Variants in ZNF438 observed in about 807,000 individuals in gnomAD.
The protein encoded by ZNF438 is zinc finger protein 438.
In ZNF438, 25 loss-of-function variants were observed where a neutral mutation model predicts 38.0. That is an observed-to-expected ratio of 0.66 (90% CI 0.48 to 0.92). The LOEUF (loss-of-function observed/expected upper bound fraction) is 0.92, where lower values mean the gene tolerates loss of function less well. Among genes scored for constraint, ZNF438 ranks in the 40% least tolerant of loss-of-function variants. ZNF438 has a pLI of 0.00. For synonymous variants in ZNF438, 372 were observed against 364.1 expected (o/e 1.02, Z -0.25); for missense variants, 1,007 against 999.6 (o/e 1.01, Z -0.10).
At chr10:30,991,353 C>A (rs534989590) in intron 1 of ZNF438, among the ~76,000 whole-genome samples, 1 of 152,320 alleles carries the variant, frequency 6.6e-6, no homozygotes, top group Admixed American at 6.5e-5. Context: ...AGCCAGCCCT[C>A]ATTTGTGGGG....
At chr10:30,971,220 A>C (rs1334928390) in intron 1 of ZNF438, among the ~76,000 whole-genome samples, 1 of 152,230 alleles carries the variant, frequency 6.6e-6, no homozygotes, top group Non-Finnish European at 1.5e-5. Flanking sequence ...GATGAGGCTA[A>C]ATTATATGAA....
intron 1 of ZNF438, among the ~76,000 whole-genome samples, chr10:30,946,456 G>C (rs2135635937): frequency 6.6e-6 from 1 of 152,122 alleles, no homozygotes; most frequent in Non-Finnish European, 1.5e-5. Context: ...CTGACAAAGG[G>C]CTAATATCCA....
chr10:30,968,947 G>C (rs543953243), intron 1 of ZNF438, among the ~76,000 whole-genome samples: 14 of 152,238 alleles, frequency 9.2e-5, no homozygotes, highest in African/African-American at 3.4e-4. Context: ...GTGAGTATGA[G>C]AGCTATTAAC....
chr10:30,985,046 C>A (rs1564795887), intron 1 of ZNF438, among the ~76,000 whole-genome samples: 1 of 152,138 alleles, frequency 6.6e-6, no homozygotes, highest in Non-Finnish European at 1.5e-5. Flanking sequence ...GATGCATGTG[C>A]AATGAAGCCA....
intron 1 of ZNF438, among the ~76,000 whole-genome samples, chr10:30,950,365 A>G (rs574540561): frequency 0.046 from 6,774 of 148,800 alleles, 438 homozygotes; most frequent in African/African-American, 0.16. Flanking sequence ...AAACACATTC[A>G]AAAGCTAGCA....
Position 30,845,380 on chromosome 10 carries a change from G to C in ZNF438, c.2068C>G (p.Gln690Glu). 1.9e-6 allele frequency: 3 copies of C among 1,614,102 alleles called. No homozygotes were observed. The Middle Eastern group carries it at 4.9e-4, about 266-fold the overall frequency. Reference sequence around the variant, plus strand: ...CTAGCGTGCTGCACCAACTCTTCCTGAGTCCCCTTGCTTCCTGGGAAGGTC... The same window carrying C: ...CTAGCGTGCTGCACCAACTCTTCCTCAGTCCCCTTGCTTCCTGGGAAGGTC... The change falls in exon 6 of 6, where the codon CAG becomes GAG. Residue 690 changes from glutamine to glutamate, a missense_variant. Gln to Glu is a conservative substitution (Grantham distance 29). Coordinates refer to ENST00000413025, the Ensembl canonical transcript of ZNF438.
At position 30,975,312 on chromosome 10, in the gene ZNF438, AGAG is replaced by A. The variant is rs2051214773; in HGVS notation, c.-191-33664_-191-33662del. Among the ~76,000 whole-genome samples the A allele has an allele frequency of 2.6e-5, 4 of 152,174 alleles. No individual in the cohort carries two copies. The South Asian group carries it at 8.3e-4, about 31-fold the overall frequency. On this transcript the variant is annotated intron_variant, in intron 1 of 5. Coordinates refer to ENST00000413025, the Ensembl canonical transcript of ZNF438. Reference sequence around the variant, plus strand: ...AGAGAATGAAGTTGGTGCCCATTTGAGAGGAGGTCAGATGACTAGGCACATTCA... The same window carrying A: ...AGAGAATGAAGTTGGTGCCCATTTGAGAGGTCAGATGACTAGGCACATTCA...
intron 1 of ZNF438, among the ~76,000 whole-genome samples, chr10:30,944,485 G>C (rs12572926): frequency 0.043 from 6,570 of 152,246 alleles, 410 homozygotes; most frequent in East Asian, 0.31. Flanking sequence ...ATAGAAAGTA[G>C]TATGAAGAAA....
intron 1 of ZNF438, among the ~76,000 whole-genome samples, chr10:30,952,429 A>C (rs1290746545): frequency 2.6e-5 from 4 of 152,208 alleles, no homozygotes; most frequent in East Asian, 1.9e-4. Context: ...AGAGCTTCTG[A>C]ACAGCAAGAG....
At chr10:30,872,291 T>A (rs4749633) in intron 4 of ZNF438, among the ~76,000 whole-genome samples, 67,954 of 151,116 alleles carry the variant, frequency 0.45, 15,785 homozygotes, top group African/African-American at 0.56. Context: ...CCACGTGTGG[T>A]GGTGCGCTCC....
At chr10:30,845,898 G>A (rs757879311) in intron 5 of ZNF438, among the ~76,000 whole-genome samples, 5 of 152,150 alleles carry the variant, frequency 3.3e-5, no homozygotes, top group Admixed American at 6.5e-5. Flanking sequence ...ACGTAAGAGC[G>A]CGTGAAGGGC....
chr10:30,953,183 A>G (rs1164194907), intron 1 of ZNF438, among the ~76,000 whole-genome samples: 1 of 146,654 alleles, frequency 6.8e-6, no homozygotes, highest in Non-Finnish European at 1.5e-5. Context: ...ATTCTCACTC[A>G]TAGGTGGGAA....
At chr10:30,861,491 C>T (rs1044806435) in intron 4 of ZNF438, among the ~76,000 whole-genome samples, 5 of 151,888 alleles carry the variant, frequency 3.3e-5, no homozygotes, top group African/African-American at 9.7e-5. Context: ...AGCCAATTAC[C>T]TAGAATACTA....
chr10:30,945,581 T>C (rs1275902961), intron 1 of ZNF438, among the ~76,000 whole-genome samples: 1 of 147,378 alleles, frequency 6.8e-6, no homozygotes, highest in Admixed American at 6.8e-5. Context: ...GTCCCCAGAG[T>C]GTGATATTCC....
At position 30,992,416 on chromosome 10, in the gene ZNF438, C is replaced by CTTT. The variant is rs60965540; in HGVS notation, c.-192+39414_-192+39416dup. 2.5e-3 allele frequency among the ~76,000 whole-genome samples: 355 copies of CTTT among 141,696 alleles called. 2 individuals carry two copies. Among genetic ancestry groups the CTTT allele is most frequent in the African/African-American group, 8.5e-3 (328 of 38,468 alleles). The allele number at this position is 141,696 out of a possible 152,430, so 93.0% of individuals were successfully genotyped here. A position where few individuals can be genotyped will look rare whatever the true frequency, so the allele number is the denominator to read the frequency against. ...GATGACTAGAGAAACTCTGAATCTT[C>CTTT]TTTTTTTTTTTTTTTTAAGACAGTC... is the stretch of plus-strand genomic sequence containing the variant. On this transcript the variant is annotated intron_variant, in intron 1 of 5. Transcript: ENST00000413025.
chr10:30,973,619 CA>C (rs1194561219), intron 1 of ZNF438, among the ~76,000 whole-genome samples: 4 of 152,124 alleles, frequency 2.6e-5, no homozygotes, highest in African/African-American at 9.7e-5. Context: ...AACTCTCTCC[CA>C]CCCCCGGAAG....
intron 2 of ZNF438, among the ~76,000 whole-genome samples, chr10:30,930,742 G>C (rs1004317060): frequency 7.1e-6 from 1 of 140,892 alleles, no homozygotes; most frequent in African/African-American, 2.7e-5. Context: ...AGGAGGCAGA[G>C]GTCGTAGTAA....
chr10:31,027,378 G>A (rs1424237352), intron 1 of ZNF438, among the ~76,000 whole-genome samples: 2 of 151,856 alleles, frequency 1.3e-5, no homozygotes, highest in South Asian at 2.1e-4. Context: ...AAATTTGCTT[G>A]TGCAAATGTA....
chr10:31,009,921 T>C (rs2055511630), intron 1 of ZNF438, among the ~76,000 whole-genome samples: 2 of 148,686 alleles, frequency 1.3e-5, no homozygotes, highest in East Asian at 2.0e-4. Context: ...CAATCTCGGC[T>C]CACTGCAACC....
Sources: gnomAD v4.1 joint callset for allele counts (sites outside exome capture counted in the v4.1 genomes callset) on GRCh38, gnomAD v4.1.1 for gene constraint, MANE v1.5 for transcripts, NCBI Gene and HGNC (gene_info 2026-07-23, HGNC 2026-07-21) for gene names.